Variants in GSG1L observed in about 807,000 individuals in gnomAD.
GSG1L encodes GSG1 like, also known as germ cell-specific gene 1-like protein.
In GSG1L, 24 loss-of-function variants were observed where a neutral mutation model predicts 42.1. That is an observed-to-expected ratio of 0.57 (90% CI 0.41 to 0.80). The LOEUF is 0.80. GSG1L is among the 30% of genes least tolerant of loss of function. The pLI, the probability that GSG1L is intolerant of heterozygous loss-of-function variation, is 0.00. For missense variants in GSG1L, 445 were observed against 472.2 expected (o/e 0.94, Z 0.53); for synonymous variants, 215 against 203.5 (o/e 1.06, Z -0.48).
intron 2 of GSG1L, among the ~76,000 whole-genome samples, chr16:27,955,882 GAGGAAGGAAGGA>G (rs759855179): frequency 0.018 from 1,982 of 111,064 alleles, 45 homozygotes; most frequent in Admixed American, 0.045. Context: ...CATAAGAGAA[GAGGAAGGAAGGA>G]AGGAAGGAAG....
chr16:27,997,485 AC>A (rs1274158503), intron 1 of GSG1L, among the ~76,000 whole-genome samples: 4 of 151,190 alleles, frequency 2.6e-5, no homozygotes, highest in Non-Finnish European at 5.9e-5. Context: ...ATGGTTCTCC[AC>A]TTTTAAGGAC....
At chr16:27,999,320 G>A (rs2085555480) in intron 1 of GSG1L, among the ~76,000 whole-genome samples, 1 of 152,138 alleles carries the variant, frequency 6.6e-6, no homozygotes, top group South Asian at 2.1e-4. Flanking sequence ...GTGCATGCCT[G>A]TAATGCCAGC....
At chr16:27,946,575 AAGAAAGAGAGAGAGAGAGAGAGAG>A (rs1258153650) in intron 2 of GSG1L, among the ~76,000 whole-genome samples, 301 of 25,298 alleles carry the variant, frequency 0.012, no homozygotes, top group African/African-American at 0.014. Context: ...GAAAGAAAGA[AAGAAAGAGAGAGAGAGAGAGAGAG>A]AGAGAGAGAG....
chr16:27,796,675 G>T lies in GSG1L; in HGVS notation c.899-5208C>A, dbSNP rs79659388. On this transcript the variant is annotated intron_variant, in intron 6 of 6. Coordinates refer to ENST00000447459, the MANE Select transcript of GSG1L (RefSeq NM_001109763.2). ...TTGTGTCTTCTGGTCTACCTCAGGC[G>T]GGCTGTTTTAGGAGATTGAATGGGG... 4.6e-5 allele frequency among the ~76,000 whole-genome samples: 7 copies of T among 152,290 alleles called. No individual in the cohort carries two copies. The South Asian group carries it at 8.3e-4, about 18-fold the overall frequency.
chr16:27,797,676 G>A (rs1256985051), intron 6 of GSG1L, among the ~76,000 whole-genome samples: 4 of 149,852 alleles, frequency 2.7e-5, no homozygotes, highest in African/African-American at 9.9e-5. Flanking sequence ...TAAAAAATTA[G>A]CCAGGCATGG....
intron 6 of GSG1L, among the ~76,000 whole-genome samples, chr16:27,805,949 C>G (rs373816850): frequency 2.0e-5 from 3 of 151,946 alleles, no homozygotes; most frequent in African/African-American, 7.3e-5. Context: ...CTCTTTCTAC[C>G]CAGGATTTCC....
intron 3 of GSG1L, among the ~76,000 whole-genome samples, chr16:27,870,597 T>C (rs1369816514): frequency 6.6e-6 from 1 of 151,488 alleles, no homozygotes; most frequent in Non-Finnish European, 1.5e-5. Context: ...CCCGCCCTCC[T>C]AGCCCTGCAA....
intron 6 of GSG1L, among the ~76,000 whole-genome samples, chr16:27,799,467 C>T (rs1418304741): frequency 6.6e-6 from 1 of 152,138 alleles, no homozygotes; most frequent in African/African-American, 2.4e-5. Context: ...ATCCCTTGAG[C>T]CCAGGATATC....
intron 2 of GSG1L, among the ~76,000 whole-genome samples, chr16:27,957,668 A>G (rs1217150038): frequency 2.6e-5 from 4 of 152,232 alleles, no homozygotes; most frequent in African/African-American, 9.6e-5. Context: ...CAGTTCAGCT[A>G]GACAGCCTGG....
intron 2 of GSG1L, among the ~76,000 whole-genome samples, chr16:27,958,424 A>AG (rs2085030833): frequency 1.3e-5 from 2 of 150,850 alleles, no homozygotes; most frequent in African/African-American, 4.9e-5. Flanking sequence ...AAAAAAAAAA[A>AG]AAAGAAAAGA....
intron 1 of GSG1L, among the ~76,000 whole-genome samples, chr16:27,979,110 C>G (rs371877437): frequency 6.6e-6 from 1 of 152,206 alleles, no homozygotes; most frequent in East Asian, 1.9e-4. Context: ...CCTTTCCTTG[C>G]TTGCCAGACG....
intron 2 of GSG1L, among the ~76,000 whole-genome samples, chr16:27,929,080 T>G (rs963524542): frequency 1.3e-5 from 2 of 152,192 alleles, no homozygotes; most frequent in African/African-American, 4.8e-5. Flanking sequence ...TGTGCAAAGG[T>G]GCAGCCCAGG....
At chr16:27,986,201 TAAGAA>T (rs1341792759) in intron 1 of GSG1L, among the ~76,000 whole-genome samples, 1 of 152,052 alleles carries the variant, frequency 6.6e-6, no homozygotes, top group Non-Finnish European at 1.5e-5. Context: ...CATGTTTAGA[TAAGAA>T]AAGTGTGATC....
chr16:27,912,826 GA>G (rs959164614), intron 2 of GSG1L, among the ~76,000 whole-genome samples: 2 of 151,652 alleles, frequency 1.3e-5, no homozygotes. Flanking sequence ...TTTGAAATGG[GA>G]AAAAAAACTG....
At chr16:27,961,721 C>T (rs866375181) in intron 2 of GSG1L, among the ~76,000 whole-genome samples, 17 of 152,286 alleles carry the variant, frequency 1.1e-4, no homozygotes, top group Non-Finnish European at 1.5e-4. Context: ...TGGCTTGAGC[C>T]GCCCAGCCAA....
chr16:27,877,215 A>T (rs2083899343), intron 3 of GSG1L, among the ~76,000 whole-genome samples: 1 of 152,154 alleles, frequency 6.6e-6, no homozygotes, highest in Admixed American at 6.5e-5. Context: ...AGACATGGGC[A>T]GCCGGAGCCA....
chr16:27,966,731 G>C (rs2085140305), intron 1 of GSG1L, among the ~76,000 whole-genome samples: 1 of 152,168 alleles, frequency 6.6e-6, no homozygotes, highest in Admixed American at 6.5e-5. Context: ...CTAACAAAGA[G>C]AGGGGGCGCA....
intron 2 of GSG1L, among the ~76,000 whole-genome samples, chr16:27,888,572 T>C (rs1194744177): frequency 7.1e-6 from 1 of 140,116 alleles, no homozygotes; most frequent in African/African-American, 2.8e-5. Context: ...TCTTTCTTTC[T>C]TTCTTTCTTT....
intron 1 of GSG1L, among the ~76,000 whole-genome samples, chr16:27,980,908 A>C (rs904725804): frequency 2.0e-5 from 3 of 151,450 alleles, no homozygotes; most frequent in African/African-American, 7.3e-5. Flanking sequence ...AAACAAAAAA[A>C]AAAAAAAAAG....
Sources: allele counts gnomAD v4.1 joint callset (sites outside exome capture counted in the v4.1 genomes callset), GRCh38; gene constraint gnomAD v4.1.1; transcripts MANE v1.5; gene names NCBI Gene and HGNC (gene_info 2026-07-23, HGNC 2026-07-21).